The following PPM1A variants were observed in gnomAD, a reference collection of about 807,000 sequenced individuals.
PPM1A encodes protein phosphatase, Mg2+/Mn2+ dependent 1A.
Under a neutral mutation model 35.0 loss-of-function variants are expected in PPM1A, and 7 were observed. That is an observed-to-expected ratio of 0.20 (90% CI 0.11 to 0.38). The LOEUF is 0.38. Ranked by LOEUF, PPM1A falls within the 10% of genes least tolerant of loss-of-function variation. The pLI is 1.00. For missense variants in PPM1A, 239 were observed against 467.8 expected (o/e 0.51, Z 4.51); for synonymous variants, 153 against 167.3 (o/e 0.91, Z 0.66).
In PPM1A at chr14:60,285,722, C is replaced by T. The variant is rs1279849274; in HGVS notation, c.933C>T (p.Tyr311=). 3.7e-6 allele frequency: 6 copies of T among 1,613,278 alleles called. No individual in the cohort carries two copies. The Admixed American group carries it at 5.0e-5, about 13-fold the overall frequency. Residue 311 remains tyrosine (Y), a synonymous_variant, in exon 3 of 6, where the codon TAC becomes TAT. Transcript: ENST00000395076. ...AGAAGGAGGCAGAGTTGGACAAGTA[C>T]CTGGAATGCAGAGTAGAAGGTGGAT... ...AVKKEAELDK[Y]LECRVEEIIK... is the part of the protein sequence containing the mutation.
At chr14:60,279,691 C>G (rs1235468446) in intron 1 of PPM1A, among the ~76,000 whole-genome samples, 1 of 152,138 alleles carries the variant, frequency 6.6e-6, no homozygotes, top group Non-Finnish European at 1.5e-5. Flanking sequence ...CTGACCAACT[C>G]TTGATATTGC....
intron 1 of PPM1A, among the ~76,000 whole-genome samples, chr14:60,266,993 T>G (rs911456419): frequency 1.3e-5 from 2 of 152,206 alleles, no homozygotes; most frequent in African/African-American, 4.8e-5. Context: ...ATACTTTTAT[T>G]TCTGTTTTAA....
intron 1 of PPM1A, among the ~76,000 whole-genome samples, chr14:60,276,634 C>G (rs6573301): frequency 0.47 from 71,399 of 152,016 alleles, 20,466 homozygotes; most frequent in African/African-American, 0.81. Context: ...AGTGTCCCTA[C>G]GTAAATAGAA....
In PPM1A at chr14:60,289,674, T is replaced by A. The variant is rs983690345; in HGVS notation, c.953-132T>A. ...AGGTCAACCTGATTTTTTTTTTTTT[T>A]AAATGATACCAGATTAGAAAAATCT... On this transcript the variant is annotated intron_variant, in intron 3 of 5. Coordinates refer to ENST00000395076, the MANE Select transcript of PPM1A (RefSeq NM_021003.5). The surrounding 1 kb of genome is among the most constrained non-coding windows in gnomAD (Gnocchi z 4.1). 36 of 548,998 alleles carry A rather than the reference T, an allele frequency of 6.6e-5. No homozygotes were observed. Among genetic ancestry groups the A allele is most frequent in the Non-Finnish European group, 9.0e-5 (28 of 311,106 alleles). The allele number at this position is 548,998 out of a possible 1,614,324, so 34.0% of individuals were successfully genotyped here.
rs1286181280 is a variant in PPM1A at position 60,292,224 on chromosome 14, C to A, written c.1120-229C>A. On this transcript the variant is annotated intron_variant, in intron 5 of 5. Coordinates refer to ENST00000395076, the MANE Select transcript of PPM1A (RefSeq NM_021003.5). This position sits in a 1 kb window ranked among gnomAD's most constrained non-coding sequence, Gnocchi z 4.2. ...ACATTTGGACAGCCTCATCATAAAA[C>A]CGCATTTCAAATATTTTCCAAAACA... 6.6e-6 allele frequency among the ~76,000 whole-genome samples: 1 copy of A among 152,066 alleles called. No homozygotes were observed. Among genetic ancestry groups the A allele is most frequent in the East Asian group, 1.9e-4 (1 of 5,200 alleles).
chr14:60,287,140 A>C, intron 3 of PPM1A: 1 of 940,154 alleles, frequency 1.1e-6, no homozygotes, highest in Non-Finnish European at 1.3e-6. Context: ...TATTTTTACT[A>C]TGAAATGGGA....
chr14:60,267,267 A>T (rs986930801), intron 1 of PPM1A: 1 of 152,108 alleles, frequency 6.6e-6, no homozygotes, highest in Non-Finnish European at 1.5e-5. Flanking sequence ...TTGTTCTAGT[A>T]CTGAGATTTC....
At chr14:60,286,678 T>C in intron 3 of PPM1A, 1 of 984,906 alleles carries the variant, frequency 1.0e-6, no homozygotes, top group South Asian at 4.7e-5. Context: ...CTACTCACTT[T>C]AATTTTTTTT....
Position 60,295,504 on chromosome 14 carries a change from A to G in PPM1A, c.*3022A>G, listed in dbSNP as rs1248124070. The G allele has an allele frequency of 1.3e-5, 2 of 151,760 alleles. No individual in the cohort carries two copies. The highest frequency in any genetic ancestry group is 3.0e-5 in the Non-Finnish European group (2 of 67,726). The allele number at this position is 151,760 out of a possible 1,614,324, so 9.4% of individuals were successfully genotyped here. A position where few individuals can be genotyped will look rare whatever the true frequency, so the allele number is the denominator to read the frequency against. ...TCTCAACATTAAGAAATTTGGATTA[A>G]GTAATAAATTAGTTATGTAATTCAA... On this transcript the variant is annotated 3_prime_UTR_variant, in exon 6 of 6. Transcript: ENST00000395076.
At chr14:60,270,752 T>C (rs544253337) in intron 1 of PPM1A, among the ~76,000 whole-genome samples, 96 of 152,332 alleles carry the variant, frequency 6.3e-4, no homozygotes, top group African/African-American at 2.2e-3. Context: ...TCATATTTCA[T>C]TATTTTTGAG....
intron 1 of PPM1A, chr14:60,268,355 C>T (rs1336860688): frequency 2.1e-6 from 2 of 974,612 alleles, no homozygotes; most frequent in Non-Finnish European, 1.2e-6. Flanking sequence ...AGAACTGTTA[C>T]TTTCCTCCAT....
chr14:60,249,162 G>A, upstream of PPM1A: 3 of 912,750 alleles, frequency 3.3e-6, no homozygotes, highest in Non-Finnish European at 3.9e-6. The surrounding 1 kb of genome is among the most constrained non-coding windows in gnomAD (Gnocchi z 4.5). Flanking sequence ...GGGGCGGGGC[G>A]AGCGGAGGGG....
intron 1 of PPM1A, among the ~76,000 whole-genome samples, chr14:60,255,296 C>T (rs1415151425): frequency 6.7e-6 from 1 of 149,430 alleles, no homozygotes; most frequent in African/African-American, 2.5e-5. Context: ...CTCAGCCTCC[C>T]GAGTAGCTGG....
intron 2 of PPM1A, among the ~76,000 whole-genome samples, chr14:60,284,683 G>GTGTA (rs1886775458): frequency 7.5e-6 from 1 of 132,484 alleles, no homozygotes; most frequent in African/African-American, 3.3e-5. Context: ...ATGAGCGTAT[G>GTGTA]TATATATATA....
At chr14:60,270,649 A>G (rs1884970957) in intron 1 of PPM1A, among the ~76,000 whole-genome samples, 1 of 152,200 alleles carries the variant, frequency 6.6e-6, no homozygotes, top group African/African-American at 2.4e-5. Context: ...GAGAAATGAT[A>G]GGGATTTTGT....
At chr14:60,256,279 C>T (rs1047281941) in intron 1 of PPM1A, among the ~76,000 whole-genome samples, 5 of 137,438 alleles carry the variant, frequency 3.6e-5, no homozygotes, top group Middle Eastern at 3.9e-3. Context: ...ATTAGCCAGG[C>T]GTGGTGGCAC....
chr14:60,292,442 C>G lies in PPM1A; in HGVS notation c.1120-11C>G. ...TTAACGTTGTTCCTTATTTTGCTTC[C>G]TTTTACAAAGGACTCTACATCAACA... is the stretch of plus-strand genomic sequence containing the variant. On this transcript the variant is annotated splice_polypyrimidine_tract_variant and intron_variant, in intron 5 of 5. Coordinates refer to ENST00000395076, the MANE Select transcript of PPM1A (RefSeq NM_021003.5). This position sits in a 1 kb window ranked among gnomAD's most constrained non-coding sequence, Gnocchi z 4.2. 4.4e-6 allele frequency: 7 copies of G among 1,594,590 alleles called. No individual in the cohort carries two copies. Among genetic ancestry groups the G allele is most frequent in the Non-Finnish European group, 6.0e-6 (7 of 1,163,938 alleles).
At chr14:60,270,729 A>C (rs1884980481) in intron 1 of PPM1A, among the ~76,000 whole-genome samples, 1 of 149,572 alleles carries the variant, frequency 6.7e-6, no homozygotes, top group South Asian at 2.1e-4. Flanking sequence ...GAAATTACTG[A>C]TTATTTTAGT....
At chr14:60,249,163 A>G (rs1326291120), upstream of PPM1A, 4 of 903,298 alleles carry the variant, frequency 4.4e-6, no homozygotes, top group Non-Finnish European at 5.3e-6. This position sits in a 1 kb window ranked among gnomAD's most constrained non-coding sequence, Gnocchi z 4.5. Context: ...GGGCGGGGCG[A>G]GCGGAGGGGT....
Sources: gnomAD v4.1 joint callset for allele counts (sites outside exome capture counted in the v4.1 genomes callset) on GRCh38, gnomAD v4.1.1 for gene constraint, Gnocchi (gnomAD v3.1) non-coding constraint, MANE v1.5 for transcripts, NCBI Gene and HGNC (gene_info 2026-07-23, HGNC 2026-07-21) for gene names.